SCARB2: variants seen among roughly 807,000 people sequenced by gnomAD.
The protein encoded by SCARB2 is scavenger receptor class B member 2.
In SCARB2, 29 loss-of-function variants were observed where a neutral mutation model predicts 58.6. That is an observed-to-expected ratio of 0.49 (90% CI 0.37 to 0.67). The LOEUF (loss-of-function observed/expected upper bound fraction) is 0.67, where lower values mean the gene tolerates loss of function less well. Ranked by LOEUF, SCARB2 falls within the 30% of genes least tolerant of loss-of-function variation. The pLI, the probability that SCARB2 is intolerant of heterozygous loss-of-function variation, is 0.00. For missense variants in SCARB2, 488 were observed against 578.5 expected, an observed-to-expected ratio of 0.84 and a Z score of 1.60; for synonymous variants, 195 against 210.1, an observed-to-expected ratio of 0.93 and a Z score of 0.62.
chr4:76,187,331 T>C (rs1732508452), intron 2 of SCARB2, among the ~76,000 whole-genome samples: 1 of 151,806 alleles, frequency 6.6e-6, no homozygotes, highest in Non-Finnish European at 1.5e-5. Flanking sequence ...GTTCACAGAG[T>C]GCCATGAACA....
At chr4:76,195,541 G>A in intron 2 of SCARB2, 166 bp downstream of exon 2, 1 of 633,584 alleles carries the variant, frequency 1.6e-6, no homozygotes, top group South Asian at 1.9e-5. Context: ...ATTCTCTGCT[G>A]AGGTTTCACA....
upstream of SCARB2, chr4:76,214,459 C>T (rs899251491): frequency 2.7e-6 from 1 of 369,516 alleles, no homozygotes; most frequent in Non-Finnish European, 5.4e-6. Flanking sequence ...AGAGCAAAAC[C>T]TGTAGGAAGC....
At chr4:76,190,165 C>A (rs1007512407) in intron 2 of SCARB2, among the ~76,000 whole-genome samples, 2 of 151,958 alleles carry the variant, frequency 1.3e-5, no homozygotes, top group African/African-American at 4.8e-5. Context: ...CATGCCACCA[C>A]GCCTGGCTAA....
At chr4:76,202,050 T>A (rs559512114) in intron 1 of SCARB2, among the ~76,000 whole-genome samples, 1 of 152,320 alleles carries the variant, frequency 6.6e-6, no homozygotes, top group African/African-American at 2.4e-5. Flanking sequence ...ACTAGACTTG[T>A]AAGCAATAAA....
chr4:76,166,210 G>T, intron 10 of SCARB2, 40 bp downstream of exon 10: 1 of 1,599,858 alleles, frequency 6.3e-7, no homozygotes. Flanking sequence ...TTTTTTCTGA[G>T]TCTGAAAACA....
chr4:76,207,624 G>A (rs1732954473), intron 1 of SCARB2, among the ~76,000 whole-genome samples: 1 of 152,154 alleles, frequency 6.6e-6, no homozygotes, highest in Admixed American at 6.5e-5. Context: ...ATTAAAAATG[G>A]TCCCTTCCTT....
intron 4 of SCARB2, chr4:76,179,200 T>C (rs1732327297): frequency 8.3e-6 from 3 of 361,350 alleles, no homozygotes; most frequent in Non-Finnish European, 1.6e-5. Context: ...ATTACAGGTG[T>C]ACATCACCAC....
chr4:76,176,621 T>A, intron 4 of SCARB2, 93 bp from the exon 5 acceptor site: 1 of 816,370 alleles, frequency 1.2e-6, no homozygotes, highest in Middle Eastern at 2.3e-4. Flanking sequence ...GGTCAAACAC[T>A]AGCCCAGATG....
upstream of SCARB2, among the ~76,000 whole-genome samples, chr4:76,215,082 A>C (rs1425588034): frequency 1.3e-5 from 2 of 152,260 alleles, no homozygotes; most frequent in African/African-American, 2.4e-5. Flanking sequence ...TGCTGTGCTC[A>C]GTCATGAGCT....
intron 3 of SCARB2, chr4:76,180,146 C>T (rs960245291): frequency 2.3e-5 from 5 of 218,144 alleles, no homozygotes; most frequent in Admixed American, 5.2e-5. Flanking sequence ...GCATATGGAG[C>T]GGTCACCTAG....
intron 7 of SCARB2, 90 bp from the exon 8 acceptor site, chr4:76,170,075 C>A: frequency 2.6e-6 from 3 of 1,174,864 alleles, no homozygotes; most frequent in African/African-American, 1.5e-5. Context: ...AGCCTGGTTC[C>A]TAAAGAAAAA....
At chr4:76,214,461 G>A (rs993956008), upstream of SCARB2, 7 of 368,946 alleles carry the variant, frequency 1.9e-5, no homozygotes, top group African/African-American at 1.5e-4. Flanking sequence ...AGCAAAACCT[G>A]TAGGAAGCAA....
rs910651849 is a variant in SCARB2, at chr4:76,159,470, T to G, written c.*2243A>C. 1.3e-5 allele frequency: 2 copies of G among 152,268 alleles called. No individual in the cohort carries two copies. The highest frequency in any genetic ancestry group is 4.8e-5 in the African/African-American group (2 of 41,448). The allele number at this position is 152,268 out of a possible 1,614,324, so 9.4% of individuals were successfully genotyped here. A position where few individuals can be genotyped will look rare whatever the true frequency, so the allele number is the denominator to read the frequency against. Reference sequence around the variant, plus strand: ...CAGGCCCGGTGGCTTACGCCTGTAATCCCAGCACTTTGGGAGGCTGAGGTG... The same window carrying G: ...CAGGCCCGGTGGCTTACGCCTGTAAGCCCAGCACTTTGGGAGGCTGAGGTG... On this transcript the variant is annotated 3_prime_UTR_variant, in exon 12 of 12. Transcript: ENST00000264896.
chr4:76,173,713 G>T, intron 7 of SCARB2: 1 of 234,244 alleles, frequency 4.3e-6, no homozygotes. Context: ...AAGCACTTAG[G>T]ACAGTGACTG....
At position 76,166,465 on chromosome 4, in the gene SCARB2, A is replaced by G; in HGVS notation, c.1188-164T>C. Reference sequence around the variant, plus strand: ...TTTGCAAACATGTACCCCAAAAGTTAGATTCCAGTCTGTCTAGCAATTCCA... The same window carrying G: ...TTTGCAAACATGTACCCCAAAAGTTGGATTCCAGTCTGTCTAGCAATTCCA... On this transcript the variant is annotated intron_variant, in intron 9 of 11. Transcript: ENST00000264896. 10 of 719,318 alleles carry G rather than the reference A, an allele frequency of 1.4e-5. No homozygotes were observed. In the South Asian group the frequency reaches 1.6e-4, roughly 11 times the overall value. 44.6% of individuals were successfully genotyped at this position (719,318 alleles called of 1,614,324 possible).
At chr4:76,197,251 C>T (rs867917092) in intron 1 of SCARB2, among the ~76,000 whole-genome samples, 1 of 152,234 alleles carries the variant, frequency 6.6e-6, no homozygotes, top group South Asian at 2.1e-4. Context: ...CTCCCTGCCT[C>T]ACTGACTTCA....
intron 2 of SCARB2, chr4:76,194,641 CA>C (rs1732673730): frequency 6.6e-6 from 1 of 152,176 alleles, no homozygotes; most frequent in East Asian, 1.9e-4. Context: ...ACAGAATTGT[CA>C]GGCATTTTTA....
chr4:76,163,447 A>C (rs773943057), intron 10 of SCARB2, 64 bp from the exon 11 acceptor site: 7 of 1,579,440 alleles, frequency 4.4e-6, no homozygotes, highest in Non-Finnish European at 6.1e-6. Flanking sequence ...GTTTTTTGCT[A>C]TATCTTTCCT....
Position 76,213,590 on chromosome 4 carries a change from C to T in SCARB2, c.-47G>A. On this transcript the variant is annotated 5_prime_UTR_variant, in exon 1 of 12. Transcript: ENST00000264896. ...GGGCCGGGCCGCACCCGCCAGGGAT[C>T]CAACTGCAAGGAGGGAGGAGCCGCC... is the stretch of plus-strand genomic sequence containing the variant. The T allele has an allele frequency of 6.6e-7, 1 of 1,522,886 alleles. No individual in the cohort carries two copies. The highest frequency in any genetic ancestry group is 9.1e-7 in the Non-Finnish European group (1 of 1,102,616). 94.3% of individuals were successfully genotyped at this position (1,522,886 alleles called of 1,614,324 possible).
Sources: gnomAD v4.1 joint callset for allele counts (sites outside exome capture counted in the v4.1 genomes callset) on GRCh38, gnomAD v4.1.1 for gene constraint, MANE v1.5 for transcripts, NCBI Gene and HGNC (gene_info 2026-07-23, HGNC 2026-07-21) for gene names.